Variants in PPP1R3G observed in about 807,000 individuals in gnomAD.
PPP1R3G encodes protein phosphatase 1, regulatory (inhibitor) subunit 3G.
Under a neutral mutation model 2.0 loss-of-function variants are expected in PPP1R3G, and 3 were observed. The ratio of observed to expected loss-of-function variants is 1.47; its 90% CI spans 0.67 to 3.81. PPP1R3G has a LOEUF of 3.81. Among genes scored for constraint, PPP1R3G ranks in the 30% most tolerant of loss-of-function variants. The pLI is 0.02. For synonymous variants in PPP1R3G, 267 were observed against 250.9 expected (o/e 1.06, Z -0.61); for missense variants, 595 against 517.0 (o/e 1.15, Z -1.46).
In PPP1R3G at chr6:5,085,908, C is replaced by T. The variant is rs1761989241; in HGVS notation, c.423C>T (p.Ser141=). The T allele has an allele frequency of 6.5e-7, 1 of 1,531,252 alleles. No individual in the cohort carries two copies. The highest frequency in any genetic ancestry group is 2.5e-5 in the East Asian group (1 of 40,536). 94.9% of individuals were successfully genotyped at this position (1,531,252 alleles called of 1,614,324 possible). A position where few individuals can be genotyped will look rare whatever the true frequency, so the allele number is the denominator to read the frequency against. ...RVQFADTLGL[S]LASVKHFSEA... is the part of the protein sequence containing the mutation. The stretch of plus-strand genomic sequence containing the variant: ...AGTTCGCGGACACGCTGGGGCTAAG[C>T]CTGGCCAGCGTGAAGCACTTCAGCG... The change falls in exon 1 of 1, where the codon AGC becomes AGT. Residue 141 remains serine, a synonymous_variant. Transcript: ENST00000405617.
At position 5,086,428 on chromosome 6, in the gene PPP1R3G, G is replaced by A; in HGVS notation, c.943G>A (p.Glu315Lys). The A allele has an allele frequency of 1.3e-6, 2 of 1,536,516 alleles. No individual in the cohort carries two copies. The highest frequency in any genetic ancestry group is 1.7e-6 in the Non-Finnish European group (2 of 1,146,746). The change falls in exon 1 of 1, where the codon GAA becomes AAA. Residue 315 changes from glutamate (E) to lysine (K), a missense_variant. Transcript: ENST00000405617. ...CLPPGLQPED[E>K]EDADERGVAV... Reference sequence around the variant, plus strand: ...GCCCCCGGGCCTGCAGCCTGAGGACGAAGAGGACGCCGACGAGCGCGGCGT... The same window carrying A: ...GCCCCCGGGCCTGCAGCCTGAGGACAAAGAGGACGCCGACGAGCGCGGCGT...
Position 5,086,516 on chromosome 6 carries a change from G to T in PPP1R3G, c.1031G>T (p.Gly344Val). The T allele has an allele frequency of 2.0e-6, 3 of 1,534,880 alleles. No individual in the cohort carries two copies. Among genetic ancestry groups the T allele is most frequent in the Non-Finnish European group, 1.7e-6 (2 of 1,143,736 alleles). Residue 344 changes from glycine to valine, a missense_variant, in exon 1 of 1, where the codon GGC (glycine) becomes GTC (valine). Physicochemically the swap from Gly to Val is moderately radical, Grantham distance 109. Coordinates refer to ENST00000405617, the MANE Select transcript of PPP1R3G (RefSeq NM_001145115.3). ...AQGEYWDNNA[G>V]ANYTLRYARP... The stretch of plus-strand genomic sequence containing the variant: ...GGCGAGTACTGGGACAACAACGCGG[G>T]CGCCAACTACACGCTGCGCTACGCG...
Position 5,085,526 on chromosome 6 carries a change from G to C in PPP1R3G, c.41G>C (p.Gly14Ala), listed in dbSNP as rs1054667724. Residue 14 changes from glycine (G) to alanine (A), a missense_variant, in exon 1 of 1, where the codon GGA becomes GCA. Gly to Ala is a moderately conservative substitution (Grantham distance 60, BLOSUM62 0). Transcript: ENST00000405617. Reference protein sequence around the residue: ...IGARLSLEAPGPAPFREAPPA... With the variant: ...IGARLSLEAPAPAPFREAPPA... Reference sequence around the variant, plus strand: ...GCGCGGCTAAGTTTGGAGGCGCCGGGACCAGCGCCCTTCCGAGAGGCCCCG... The same window carrying C: ...GCGCGGCTAAGTTTGGAGGCGCCGGCACCAGCGCCCTTCCGAGAGGCCCCG... The C allele has an allele frequency of 2.6e-6, 4 of 1,538,766 alleles. No homozygotes were observed. Among genetic ancestry groups the C allele is most frequent in the Admixed American group, 2.0e-5 (1 of 50,880 alleles).
At position 5,086,074 on chromosome 6, in the gene PPP1R3G, C is replaced by T; in HGVS notation, c.589C>T (p.Leu197Phe). ...AAPLSAPPSR[L>F]RPLFQLPGPS... is the part of the protein sequence containing the mutation. Reference sequence around the variant, plus strand: ...GCCCCTTTCAGCGCCGCCTTCCCGGCTCCGGCCGCTCTTCCAGCTCCCGGG... The same window carrying T: ...GCCCCTTTCAGCGCCGCCTTCCCGGTTCCGGCCGCTCTTCCAGCTCCCGGG... Residue 197 changes from leucine (L) to phenylalanine (F), a missense_variant, in exon 1 of 1, where the codon CTC becomes TTC. Leu to Phe is a conservative substitution (Grantham distance 22). Coordinates refer to ENST00000405617, the MANE Select transcript of PPP1R3G (RefSeq NM_001145115.3). 4.8e-6 allele frequency: 7 copies of T among 1,469,260 alleles called. No individual in the cohort carries two copies. The highest frequency in any genetic ancestry group is 6.3e-6 in the Non-Finnish European group (7 of 1,118,672). The allele number at this position is 1,469,260 out of a possible 1,614,324, so 91.0% of individuals were successfully genotyped here.
Position 5,085,417 on chromosome 6 carries a change from C to A in PPP1R3G, c.-69C>A. ...CTGCAGCCCTGCGCTCCTTCCACGG[C>A]CCGAGGAGTTAGTTAAGTCTCCAGA... is the stretch of plus-strand genomic sequence containing the variant. On this transcript the variant is annotated 5_prime_UTR_variant, in exon 1 of 1. Transcript: ENST00000405617. 1.7e-6 allele frequency: 2 copies of A among 1,185,138 alleles called. No individual in the cohort carries two copies. Among genetic ancestry groups the A allele is most frequent in the African/African-American group, 1.6e-5 (1 of 64,454 alleles). The allele number at this position is 1,185,138 out of a possible 1,614,324, so 73.4% of individuals were successfully genotyped here. A position where few individuals can be genotyped will look rare whatever the true frequency, so the allele number is the denominator to read the frequency against.
In PPP1R3G at chr6:5,086,298, G is replaced by C. The variant is rs1287892000; in HGVS notation, c.813G>C (p.Pro271=). Residue 271 remains proline, a synonymous_variant, in exon 1 of 1, where the codon CCG becomes CCC. Coordinates refer to ENST00000405617, the MANE Select transcript of PPP1R3G (RefSeq NM_001145115.3). The part of the protein sequence containing the change: ...LDVPAELQPE[P]LEPQQPEAPS... ...TGCCGGCTGAGCTGCAGCCCGAGCC[G>C]CTGGAGCCACAGCAGCCAGAGGCAC... 1 of 1,535,600 alleles carries C rather than the reference G, an allele frequency of 6.5e-7. No homozygotes were observed. The highest frequency in any genetic ancestry group is 1.7e-4 in the Middle Eastern group (1 of 5,986).
At position 5,087,094 on chromosome 6, in the gene PPP1R3G, G is replaced by A. The variant is rs993253441; in HGVS notation, c.*532G>A. On this transcript the variant is annotated 3_prime_UTR_variant, in exon 1 of 1. Transcript: ENST00000405617. ...ACCTATTTCTCAGAGAAAACCCTTC[G>A]GGGCTGGGCCAGGCCACCCTTTTCT... 6 of 153,418 alleles carry A rather than the reference G, an allele frequency of 3.9e-5. 1 individual carries two copies. 9.5% of individuals were successfully genotyped at this position (153,418 alleles called of 1,614,324 possible).
Position 5,089,311 on chromosome 6 carries a change from G to C in PPP1R3G, c.*2749G>C, listed in dbSNP as rs964147182. 2 of 152,054 alleles carry C rather than the reference G, an allele frequency of 1.3e-5. No homozygotes were observed. Among genetic ancestry groups the C allele is most frequent in the Non-Finnish European group, 2.9e-5 (2 of 68,008 alleles). The allele number at this position is 152,054 out of a possible 1,614,324, so 9.4% of individuals were successfully genotyped here. ...TACCATTTCTTAAAAGTACATTATT[G>C]CATAACCATATTTTTCCGATATATT... On this transcript the variant is annotated 3_prime_UTR_variant, in exon 1 of 1. Transcript: ENST00000405617.
At position 5,086,460 on chromosome 6, in the gene PPP1R3G, C is replaced by A; in HGVS notation, c.975C>A (p.Val325=). The A allele has an allele frequency of 6.5e-7, 1 of 1,537,030 alleles. No homozygotes were observed. The highest frequency in any genetic ancestry group is 8.7e-7 in the Non-Finnish European group (1 of 1,146,720). The change falls in exon 1 of 1, where the codon GTC becomes GTA. Residue 325 remains valine, a synonymous_variant. Coordinates refer to ENST00000405617, the MANE Select transcript of PPP1R3G (RefSeq NM_001145115.3). The stretch of plus-strand genomic sequence containing the variant: ...ACGCCGACGAGCGCGGCGTCGCGGT[C>A]CACTTCGCTGTCTGCTACCGCTGCG... ...EEDADERGVA[V]HFAVCYRCAQ...
chr6:5,085,788 G>T lies in PPP1R3G; in HGVS notation c.303G>T (p.Gln101His). The T allele has an allele frequency of 6.5e-7, 1 of 1,531,490 alleles. No homozygotes were observed. The highest frequency in any genetic ancestry group is 8.8e-7 in the Non-Finnish European group (1 of 1,140,612). The allele number at this position is 1,531,490 out of a possible 1,614,324, so 94.9% of individuals were successfully genotyped here. Residue 101 changes from glutamine (Q) to histidine (H), a missense_variant, in exon 1 of 1, where the codon CAG (glutamine) becomes CAT (histidine). Coordinates refer to ENST00000405617, the MANE Select transcript of PPP1R3G (RefSeq NM_001145115.3). The part of the protein sequence containing the change: ...PILQAAKFLQ[Q>H]QQQQAVALGG... ...TGCAGGCGGCCAAGTTCCTGCAGCA[G>T]CAGCAGCAACAGGCGGTGGCACTGG... is the stretch of plus-strand genomic sequence containing the variant.
rs1263776959 is a variant in PPP1R3G at position 5,085,759 on chromosome 6, A to C, written c.274A>C (p.Ile92Leu). The change falls in exon 1 of 1, where the codon ATC becomes CTC. Residue 92 changes from isoleucine (I) to leucine (L), a missense_variant. Coordinates refer to ENST00000405617, the MANE Select transcript of PPP1R3G (RefSeq NM_001145115.3). ...ARSFSLPADP[I>L]LQAAKFLQQQ... ...CTCCTTTTCCTTGCCCGCCGACCCC[A>C]TCTTGCAGGCGGCCAAGTTCCTGCA... The C allele has an allele frequency of 2.6e-6, 4 of 1,537,120 alleles. No individual in the cohort carries two copies. The African/African-American group carries it at 5.5e-5, about 21-fold the overall frequency.
Sources: allele counts gnomAD v4.1 joint callset, GRCh38; gene constraint gnomAD v4.1.1; transcripts MANE v1.5; gene names NCBI Gene and HGNC (gene_info 2026-07-23, HGNC 2026-07-21).